Variants in NACC2 observed in about 807,000 individuals in gnomAD.
The protein encoded by NACC2 is nucleus accumbens-associated protein 2.
In NACC2, 8 loss-of-function variants were observed where a neutral mutation model predicts 25.1. The observed-to-expected ratio is 0.32, with a 90% CI of 0.19 to 0.57. The LOEUF is 0.57. NACC2 is among the 20% of genes least tolerant of loss of function. The pLI is 0.89. For missense variants in NACC2, 644 were observed against 650.2 expected (o/e 0.99, Z 0.10); for synonymous variants, 435 against 294.7 (o/e 1.48, Z -4.88).
intron 3 of NACC2, among the ~76,000 whole-genome samples, chr9:136,015,526 C>T (rs369453396): frequency 8.5e-5 from 13 of 152,150 alleles, no homozygotes; most frequent in Non-Finnish European, 1.6e-4. Context: ...CTGAGGCACT[C>T]GTCCTGCTGG....
At chr9:136,035,186 T>C (rs1840532881) in intron 2 of NACC2, among the ~76,000 whole-genome samples, 1 of 151,996 alleles carries the variant, frequency 6.6e-6, no homozygotes, top group Admixed American at 6.5e-5. Context: ...AATTAATGGA[T>C]GGAAGGCTGA....
chr9:136,081,527 G>A (rs940984829), intron 1 of NACC2, among the ~76,000 whole-genome samples: 1 of 152,264 alleles, frequency 6.6e-6, no homozygotes, highest in African/African-American at 2.4e-5. Context: ...ATTCCCTCGT[G>A]ACGTTTCTTG....
At chr9:136,030,152 G>A (rs1840453398) in intron 2 of NACC2, among the ~76,000 whole-genome samples, 1 of 152,114 alleles carries the variant, frequency 6.6e-6, no homozygotes. Flanking sequence ...TGGGATTACA[G>A]GCATGAGACA....
rs751434243 is a variant in NACC2 at position 136,012,040 on chromosome 9, G to T, written c.1256-16C>A. 19 of 1,517,522 alleles carry T rather than the reference G, an allele frequency of 1.3e-5. No individual in the cohort carries two copies. The highest frequency in any genetic ancestry group is 1.7e-5 in the Non-Finnish European group (19 of 1,132,464). 94.0% of individuals were successfully genotyped at this position (1,517,522 alleles called of 1,614,324 possible). On this transcript the variant is annotated splice_polypyrimidine_tract_variant and intron_variant, in intron 5 of 5. Transcript: ENST00000277554. ...TGACAGTACACTGTGAGGACGGGGCGGCGTGAGCTCAGCCACCTGCCTGCC... is the reference window on the plus strand; with the variant it reads ...TGACAGTACACTGTGAGGACGGGGCTGCGTGAGCTCAGCCACCTGCCTGCC...
intron 3 of NACC2, 150 bp from the exon 4 acceptor site, chr9:136,014,119 G>A: frequency 1.6e-6 from 1 of 622,550 alleles, no homozygotes; most frequent in Admixed American, 2.9e-5. Flanking sequence ...AGCAATTTGA[G>A]GTCCCACCTG....
At chr9:136,021,232 C>G (rs1376396639) in intron 2 of NACC2, among the ~76,000 whole-genome samples, 1 of 152,194 alleles carries the variant, frequency 6.6e-6, no homozygotes, top group Admixed American at 6.5e-5. Flanking sequence ...GATTTGAAGA[C>G]TCTTCCCCAG....
At chr9:136,027,614 T>C (rs1840413256) in intron 2 of NACC2, among the ~76,000 whole-genome samples, 1 of 151,756 alleles carries the variant, frequency 6.6e-6, no homozygotes, top group South Asian at 2.1e-4. Flanking sequence ...CATTGCTACA[T>C]AACACAAGGG....
Position 136,022,869 on chromosome 9 carries a change from C to G in NACC2, c.887-6440G>C, listed in dbSNP as rs912856676. ...CCAATTTAATCATGCCACGCCATAA[C>G]TGGGAAGGCAAACCATCACCAATTA... On this transcript the variant is annotated intron_variant, in intron 2 of 5. Transcript: ENST00000277554. This position sits in a 1 kb window ranked among gnomAD's most constrained non-coding sequence, Gnocchi z 4.4. 1.3e-5 allele frequency among the ~76,000 whole-genome samples: 2 copies of G among 151,372 alleles called. No homozygotes were observed. The highest frequency in any genetic ancestry group is 4.9e-5 in the African/African-American group (2 of 41,102).
rs968007996 is a variant in NACC2 at position 136,022,139 on chromosome 9, G to A, written c.887-5710C>T. ...GCCGGCTTGGCACAGACCAGCTCTG[G>A]CAACCTGTGAGGGACACTTGTGAAC... On this transcript the variant is annotated intron_variant, in intron 2 of 5. Transcript: ENST00000277554. The surrounding 1 kb of genome is among the most constrained non-coding windows in gnomAD (Gnocchi z 4.4). Among the ~76,000 whole-genome samples, 6 of 152,220 alleles carry A rather than the reference G, an allele frequency of 3.9e-5. No homozygotes were observed. Among genetic ancestry groups the A allele is most frequent in the African/African-American group, 1.4e-4 (6 of 41,458 alleles).
intron 1 of NACC2, among the ~76,000 whole-genome samples, chr9:136,094,666 G>C (rs576879308): frequency 6.4e-4 from 97 of 152,166 alleles, no homozygotes; most frequent in Non-Finnish European, 1.1e-3. Context: ...CCACGAACGG[G>C]CCCACCTGGA....
Position 136,016,526 on chromosome 9 carries a change from T to G in NACC2, c.887-97A>C, listed in dbSNP as rs976224917. On this transcript the variant is annotated intron_variant, in intron 2 of 5. Transcript: ENST00000277554. Reference sequence around the variant, plus strand: ...CCTCCATGCTCCCTGGGGCCTGTGTTAGACCCACTCTGCCCACCTGGGCCC... The same window carrying G: ...CCTCCATGCTCCCTGGGGCCTGTGTGAGACCCACTCTGCCCACCTGGGCCC... 10 of 1,463,690 alleles carry G rather than the reference T, an allele frequency of 6.8e-6. No individual in the cohort carries two copies. In the South Asian group the frequency reaches 1.2e-4, roughly 17 times the overall value. The allele number at this position is 1,463,690 out of a possible 1,614,324, so 90.7% of individuals were successfully genotyped here. A position where few individuals can be genotyped will look rare whatever the true frequency, so the allele number is the denominator to read the frequency against.
chr9:136,024,819 G>A (rs998261224), intron 2 of NACC2, among the ~76,000 whole-genome samples: 14 of 152,164 alleles, frequency 9.2e-5, no homozygotes, highest in African/African-American at 3.1e-4. Flanking sequence ...GAGGGGCTGC[G>A]ATCCTGAGAA....
intron 2 of NACC2, among the ~76,000 whole-genome samples, chr9:136,041,042 GGAA>G (rs1353055895): frequency 6.9e-6 from 1 of 145,584 alleles, no homozygotes; most frequent in Non-Finnish European, 1.5e-5. Context: ...GGAAAGAAAA[GGAA>G]GGAAGGAAGG....
chr9:136,008,102 T>A lies in NACC2; in HGVS notation c.*3414A>T, dbSNP rs1460124311. The A allele has an allele frequency of 6.6e-6, 1 of 152,248 alleles. No homozygotes were observed. Among genetic ancestry groups the A allele is most frequent in the Non-Finnish European group, 1.5e-5 (1 of 68,076 alleles). 9.4% of individuals were successfully genotyped at this position (152,248 alleles called of 1,614,324 possible). Reference sequence around the variant, plus strand: ...TGCTGACCTCTTGCCCACAGCTTTGTCCACATTCAGGGGCAAAGTACAACA... The same window carrying A: ...TGCTGACCTCTTGCCCACAGCTTTGACCACATTCAGGGGCAAAGTACAACA... On this transcript the variant is annotated 3_prime_UTR_variant, in exon 6 of 6. Coordinates refer to ENST00000277554, the MANE Select transcript of NACC2 (RefSeq NM_144653.5).
At position 136,084,772 on chromosome 9, in the gene NACC2, C is replaced by T. The variant is rs560787397; in HGVS notation, c.-60+10417G>A. 6.6e-6 allele frequency among the ~76,000 whole-genome samples: 1 copy of T among 152,364 alleles called. No individual in the cohort carries two copies. The highest frequency in any genetic ancestry group is 6.5e-5 in the Admixed American group (1 of 15,306). ...CGCAGCCTGGAGAAGGGACGGGCTC[C>T]GCCACTCCCTGCAACCCGGAGGAGC... On this transcript the variant is annotated intron_variant, in intron 1 of 5. Transcript: ENST00000277554. The surrounding 1 kb of genome is among the most constrained non-coding windows in gnomAD (Gnocchi z 5.1).
rs1439856111 is a variant in NACC2, at chr9:136,007,863, T to C, written c.*3653A>G. 1 of 152,218 alleles carries C rather than the reference T, an allele frequency of 6.6e-6. No homozygotes were observed. The highest frequency in any genetic ancestry group is 1.5e-5 in the Non-Finnish European group (1 of 68,068). The allele number at this position is 152,218 out of a possible 1,614,324, so 9.4% of individuals were successfully genotyped here. On this transcript the variant is annotated 3_prime_UTR_variant, in exon 6 of 6. Coordinates refer to ENST00000277554, the MANE Select transcript of NACC2 (RefSeq NM_144653.5). ...GGGACTGGGCCAGCGCTTAACAGTT[T>C]CAGCTGTCGAATGAGGACAGGTCAG...
At chr9:136,051,752 G>A (rs907577271) in intron 1 of NACC2, among the ~76,000 whole-genome samples, 1 of 152,166 alleles carries the variant, frequency 6.6e-6, no homozygotes, top group Non-Finnish European at 1.5e-5. Context: ...TGCGGCCGCC[G>A]GCCGGCACTG....
Position 136,080,844 on chromosome 9 carries a change from C to T in NACC2, c.-60+14345G>A, listed in dbSNP as rs186059168. ...TGACCACAGGCCGGCCTGTGCCCGGCGCAAACTCCAGCCAGCTGCATCAGG... is the reference window on the plus strand; with the variant it reads ...TGACCACAGGCCGGCCTGTGCCCGGTGCAAACTCCAGCCAGCTGCATCAGG... On this transcript the variant is annotated intron_variant, in intron 1 of 5. Coordinates refer to ENST00000277554, the MANE Select transcript of NACC2 (RefSeq NM_144653.5). 2.8e-4 allele frequency among the ~76,000 whole-genome samples: 43 copies of T among 152,228 alleles called. No individual in the cohort carries two copies. In the East Asian group the frequency reaches 3.9e-3, roughly 14 times the overall value.
chr9:136,006,825 A>G lies in NACC2; in HGVS notation c.*4691T>C, dbSNP rs1840019706. ...AAGGCTTCCTCCTTAAAAAAAAGAC[A>G]AAAAAAAAAAGCTAAGCATCTGTGG... On this transcript the variant is annotated 3_prime_UTR_variant, in exon 6 of 6. Coordinates refer to ENST00000277554, the MANE Select transcript of NACC2 (RefSeq NM_144653.5). The G allele has an allele frequency of 7.2e-6, 1 of 139,816 alleles. No individual in the cohort carries two copies. Among genetic ancestry groups the G allele is most frequent in the South Asian group, 2.2e-4 (1 of 4,560 alleles). The allele number at this position is 139,816 out of a possible 1,614,324, so 8.7% of individuals were successfully genotyped here.
Sources: gnomAD v4.1 joint callset for allele counts (sites outside exome capture counted in the v4.1 genomes callset) on GRCh38, gnomAD v4.1.1 for gene constraint, Gnocchi (gnomAD v3.1) non-coding constraint, MANE v1.5 for transcripts, NCBI Gene and HGNC (gene_info 2026-07-23, HGNC 2026-07-21) for gene names.